Variants in GPC6 observed in about 807,000 individuals in gnomAD.
GPC6 encodes the protein glypican 6.
In GPC6, 14 loss-of-function variants were observed where a neutral mutation model predicts 55.2. That is an observed-to-expected ratio of 0.25 (90% CI 0.17 to 0.40). The LOEUF (loss-of-function observed/expected upper bound fraction) is 0.40. Ranked by LOEUF, GPC6 falls within the 10% of genes least tolerant of loss-of-function variation. GPC6 has a pLI of 1.00. For missense variants in GPC6, 641 were observed against 708.5 expected, an observed-to-expected ratio of 0.90 and a Z score of 1.08; for synonymous variants, 278 against 259.6, an observed-to-expected ratio of 1.07 and a Z score of -0.68.
At chr13:94,082,045 T>TG (rs2138797666) in intron 4 of GPC6, among the ~76,000 whole-genome samples, 1 of 152,098 alleles carries the variant, frequency 6.6e-6, no homozygotes, top group South Asian at 2.1e-4. Context: ...TTCACCATAT[T>TG]GGTCAGGCTG....
chr13:93,536,155 A>G (rs1349778437), intron 1 of GPC6, among the ~76,000 whole-genome samples: 1 of 152,138 alleles, frequency 6.6e-6, no homozygotes, highest in African/African-American at 2.4e-5. Flanking sequence ...AGTCTCATTC[A>G]TGCAGTGGGA....
intron 3 of GPC6, among the ~76,000 whole-genome samples, chr13:93,875,399 CT>C (rs1327781555): frequency 2.0e-5 from 3 of 151,966 alleles, no homozygotes; most frequent in African/African-American, 4.8e-5. Flanking sequence ...TCCTTAATAA[CT>C]TTTTTAAAAG....
intron 3 of GPC6, among the ~76,000 whole-genome samples, chr13:93,834,323 T>C (rs1167326288): frequency 6.6e-6 from 1 of 152,170 alleles, no homozygotes; most frequent in Non-Finnish European, 1.5e-5. Context: ...AGAAACCTCA[T>C]TGTGAGAGAT....
chr13:93,996,850 T>G (rs1566640162), intron 3 of GPC6, among the ~76,000 whole-genome samples: 1 of 152,208 alleles, frequency 6.6e-6, no homozygotes, highest in Non-Finnish European at 1.5e-5. Context: ...AAAATAGTTA[T>G]ACATATAGAA....
At chr13:93,756,892 A>C (rs1193212554) in intron 2 of GPC6, among the ~76,000 whole-genome samples, 1 of 152,174 alleles carries the variant, frequency 6.6e-6, no homozygotes, top group Non-Finnish European at 1.5e-5. Context: ...CAAATAAATG[A>C]GAACACTTCC....
chr13:93,809,394 G>T (rs578161573), intron 2 of GPC6, among the ~76,000 whole-genome samples: 2 of 152,284 alleles, frequency 1.3e-5, no homozygotes, highest in Non-Finnish European at 2.9e-5. Flanking sequence ...AAAGGCTCTT[G>T]TTTCAGATCT....
At chr13:93,894,476 A>G (rs1875876220) in intron 3 of GPC6, among the ~76,000 whole-genome samples, 1 of 152,120 alleles carries the variant, frequency 6.6e-6, no homozygotes, top group Non-Finnish European at 1.5e-5. Context: ...CTTATTTTCC[A>G]CATATGCATT....
chr13:93,654,083 C>T (rs1880546356), intron 2 of GPC6, among the ~76,000 whole-genome samples: 1 of 152,054 alleles, frequency 6.6e-6, no homozygotes, highest in South Asian at 2.1e-4. Flanking sequence ...GAAGAAATAA[C>T]GGTTAGTTGG....
intron 4 of GPC6, among the ~76,000 whole-genome samples, chr13:94,077,612 A>T (rs1439713455): frequency 6.6e-6 from 1 of 151,858 alleles, no homozygotes; most frequent in African/African-American, 2.4e-5. Context: ...GGCTTGTTAT[A>T]TATGGCCTTT....
At chr13:93,918,359 G>A (rs1877395938) in intron 3 of GPC6, among the ~76,000 whole-genome samples, 1 of 151,988 alleles carries the variant, frequency 6.6e-6, no homozygotes, top group East Asian at 1.9e-4. Context: ...GCACTATTTT[G>A]TTCAGGATTT....
chr13:93,504,876 G>A (rs1440170540), intron 1 of GPC6, among the ~76,000 whole-genome samples: 3 of 152,100 alleles, frequency 2.0e-5, no homozygotes, highest in Admixed American at 6.5e-5. Context: ...ATTTGTTCCT[G>A]TTCATATTAC....
At chr13:93,865,790 T>G (rs1402930819) in intron 3 of GPC6, among the ~76,000 whole-genome samples, 2 of 151,748 alleles carry the variant, frequency 1.3e-5, no homozygotes, top group Non-Finnish European at 2.9e-5. Flanking sequence ...TTTAGAAATT[T>G]AAGGCAAAAG....
intron 1 of GPC6, among the ~76,000 whole-genome samples, chr13:93,278,087 G>A (rs957839339): frequency 1.6e-4 from 24 of 152,078 alleles, no homozygotes; most frequent in African/African-American, 3.4e-4. Flanking sequence ...TTATATTTGC[G>A]TTACTGGCTT....
chr13:94,186,265 G>A lies in GPC6; in HGVS notation c.878-100084G>A, dbSNP rs149599795. 2.1e-4 allele frequency among the ~76,000 whole-genome samples: 32 copies of A among 151,982 alleles called. No homozygotes were observed. In the South Asian group the frequency reaches 4.4e-3, roughly 21 times the overall value. ...AATAGGAGTTTACCAGTTGGATTTC[G>A]GCATGATTTTTCTTGCACAAAACAC... On this transcript the variant is annotated intron_variant, in intron 4 of 8. Coordinates refer to ENST00000377047, the MANE Select transcript of GPC6 (RefSeq NM_005708.5).
At chr13:94,330,574 C>CTGT (rs1413485692) in intron 6 of GPC6, among the ~76,000 whole-genome samples, 1 of 152,096 alleles carries the variant, frequency 6.6e-6, no homozygotes, top group African/African-American at 2.4e-5. Flanking sequence ...TCAGTATCAC[C>CTGT]TGTTAAAAAA....
chr13:93,832,744 C>G (rs959686628), intron 3 of GPC6, among the ~76,000 whole-genome samples: 1 of 152,098 alleles, frequency 6.6e-6, no homozygotes, highest in Non-Finnish European at 1.5e-5. Context: ...GTCTAACACG[C>G]TATTCCTTCT....
At chr13:93,881,072 G>A (rs1038296577) in intron 3 of GPC6, among the ~76,000 whole-genome samples, 2 of 151,956 alleles carry the variant, frequency 1.3e-5, no homozygotes, top group African/African-American at 2.4e-5. Flanking sequence ...TATTAGCCAC[G>A]ACCTTGAGAA....
At chr13:93,670,280 C>G (rs574763355) in intron 2 of GPC6, among the ~76,000 whole-genome samples, 2 of 152,274 alleles carry the variant, frequency 1.3e-5, no homozygotes, top group Admixed American at 1.3e-4. Flanking sequence ...GCATGGGATT[C>G]ACTATTCTGT....
chr13:93,418,537 A>T (rs1876793288), intron 1 of GPC6, among the ~76,000 whole-genome samples: 1 of 151,460 alleles, frequency 6.6e-6, no homozygotes, highest in African/African-American at 2.4e-5. Flanking sequence ...TTTTATTAAT[A>T]GCACTGTACT....
Sources: allele counts gnomAD v4.1 joint callset (sites outside exome capture counted in the v4.1 genomes callset), GRCh38; gene constraint gnomAD v4.1.1; transcripts MANE v1.5; gene names NCBI Gene and HGNC (gene_info 2026-07-23, HGNC 2026-07-21).